The following BARD1 variants were observed in gnomAD, a reference collection of about 807,000 sequenced individuals.
The protein encoded by BARD1 is BRCA1-associated RING domain protein 1.
Under a neutral mutation model 77.0 loss-of-function variants are expected in BARD1, and 73 were observed. That is an observed-to-expected ratio of 0.95 (90% CI 0.79 to 1.15). The LOEUF (loss-of-function observed/expected upper bound fraction) is 1.15, where lower values mean the gene tolerates loss of function less well. BARD1 is among the 50% of genes most tolerant of loss of function. The pLI is 0.00. For missense variants in BARD1, 993 were observed against 938.8 expected, an observed-to-expected ratio of 1.06 and a Z score of -0.75; for synonymous variants, 384 against 338.0, an observed-to-expected ratio of 1.14 and a Z score of -1.49.
At chr2:214,754,737 T>C (rs1574761184) in intron 6 of BARD1, among the ~76,000 whole-genome samples, 2 of 152,300 alleles carry the variant, frequency 1.3e-5, no homozygotes, top group Admixed American at 1.3e-4. Flanking sequence ...GCTTGGATTA[T>C]GGATGGCTTC....
intron 9 of BARD1, among the ~76,000 whole-genome samples, chr2:214,743,286 A>T (rs1344556585): frequency 1.3e-5 from 2 of 152,258 alleles, no homozygotes; most frequent in East Asian, 3.8e-4. Flanking sequence ...CATAATTAAG[A>T]TCTTGATAAA....
At chr2:214,797,956 C>T (rs964377454) in intron 1 of BARD1, among the ~76,000 whole-genome samples, 1 of 152,022 alleles carries the variant, frequency 6.6e-6, no homozygotes, top group Non-Finnish European at 1.5e-5. Flanking sequence ...TAAATACACA[C>T]CAAGACATTA....
chr2:214,804,920 T>C (rs1001901800), intron 1 of BARD1, among the ~76,000 whole-genome samples: 2 of 152,142 alleles, frequency 1.3e-5, no homozygotes, highest in East Asian at 1.9e-4. Context: ...CCTAGCACTT[T>C]AGGAGGCCAA....
At chr2:214,740,933 T>G (rs961307487) in intron 9 of BARD1, among the ~76,000 whole-genome samples, 1 of 152,070 alleles carries the variant, frequency 6.6e-6, no homozygotes, top group Admixed American at 6.6e-5. Context: ...AAAGTCTGTA[T>G]AGAATAAAAG....
At chr2:214,767,925 GTTTT>G (rs1559410550) in intron 5 of BARD1, among the ~76,000 whole-genome samples, 1 of 151,960 alleles carries the variant, frequency 6.6e-6, no homozygotes, top group Non-Finnish European at 1.5e-5. Context: ...AGAAAATGTA[GTTTT>G]AAACCAACGG....
At chr2:214,731,863 T>C (rs1692371543) in intron 9 of BARD1, among the ~76,000 whole-genome samples, 1 of 152,246 alleles carries the variant, frequency 6.6e-6, no homozygotes, top group South Asian at 2.1e-4. Flanking sequence ...CACTGTCTAG[T>C]GTTGTTAACA....
intron 3 of BARD1, among the ~76,000 whole-genome samples, chr2:214,782,894 G>C (rs554859764): frequency 8.9e-4 from 135 of 152,240 alleles, no homozygotes; most frequent in Non-Finnish European, 1.7e-3. Context: ...CATCCAAGAG[G>C]AAATATATTG....
At chr2:214,770,572 T>G (rs1385965726) in intron 4 of BARD1, among the ~76,000 whole-genome samples, 3 of 152,212 alleles carry the variant, frequency 2.0e-5, no homozygotes, top group Admixed American at 2.0e-4. Context: ...CAATATTAAT[T>G]CGACTTTCAT....
chr2:214,745,448 T>G (rs751805492), intron 8 of BARD1, among the ~76,000 whole-genome samples: 10 of 152,232 alleles, frequency 6.6e-5, no homozygotes, highest in Non-Finnish European at 1.0e-4. Context: ...TGCACAACAA[T>G]TTATTTGTCA....
chr2:214,741,909 T>C (rs540205381), intron 9 of BARD1, among the ~76,000 whole-genome samples: 10 of 134,768 alleles, frequency 7.4e-5, no homozygotes, highest in African/African-American at 2.7e-4. Context: ...TTGGACCCAA[T>C]GGATCCAAAT....
intron 1 of BARD1, among the ~76,000 whole-genome samples, chr2:214,808,922 C>A (rs755001104): frequency 5.3e-5 from 8 of 152,236 alleles, no homozygotes; most frequent in Non-Finnish European, 1.0e-4. Context: ...CTCGAAAAAG[C>A]TGGCACGGAG....
chr2:214,784,947 G>A (rs567699331), intron 3 of BARD1, among the ~76,000 whole-genome samples: 112 of 151,462 alleles, frequency 7.4e-4, no homozygotes, highest in African/African-American at 2.5e-3. Flanking sequence ...GATGGGTGCA[G>A]CAAACCACCA....
At chr2:214,790,662 C>A (rs898511734) in intron 3 of BARD1, among the ~76,000 whole-genome samples, 1 of 152,178 alleles carries the variant, frequency 6.6e-6, no homozygotes, top group Admixed American at 6.5e-5. Flanking sequence ...CATTACTATA[C>A]AGCAACTGGT....
chr2:214,740,397 C>T (rs573019761), intron 9 of BARD1, among the ~76,000 whole-genome samples: 2 of 134,728 alleles, frequency 1.5e-5, no homozygotes, highest in South Asian at 2.6e-4. Flanking sequence ...AAAATTTCAA[C>T]GTATTAATTT....
At chr2:214,732,360 G>A (rs1224870060) in intron 9 of BARD1, among the ~76,000 whole-genome samples, 1 of 151,786 alleles carries the variant, frequency 6.6e-6, no homozygotes, top group Non-Finnish European at 1.5e-5. Flanking sequence ...AGTTGTGTAT[G>A]AGTAAAATGT....
chr2:214,781,962 A>G (rs1440702292), intron 3 of BARD1, among the ~76,000 whole-genome samples: 2 of 152,206 alleles, frequency 1.3e-5, no homozygotes, highest in Non-Finnish European at 2.9e-5. Flanking sequence ...AATTTCCAGT[A>G]GGCTTGTTTG....
In BARD1 at chr2:214,727,282, G is replaced by A. The variant is rs1343790571; in HGVS notation, c.*1394C>T. On this transcript the variant is annotated 3_prime_UTR_variant, in exon 11 of 11. Coordinates refer to ENST00000260947, the MANE Select transcript of BARD1 (RefSeq NM_000465.4). ...GATAAACAGAATCTCAAACTTTCAA[G>A]TAAGTGCATCTTAAGATGTTGATGA... The A allele has an allele frequency of 4.3e-6, 1 of 230,692 alleles. No homozygotes were observed. Among genetic ancestry groups the A allele is most frequent in the Admixed American group, 5.7e-5 (1 of 17,692 alleles). The allele number at this position is 230,692 out of a possible 1,614,324, so 14.3% of individuals were successfully genotyped here. A position where few individuals can be genotyped will look rare whatever the true frequency, so the allele number is the denominator to read the frequency against.
At chr2:214,732,222 C>T (rs1021091637) in intron 9 of BARD1, among the ~76,000 whole-genome samples, 4 of 152,210 alleles carry the variant, frequency 2.6e-5, no homozygotes, top group Non-Finnish European at 4.4e-5. Context: ...AGCAGAACCA[C>T]TACTCGGCAT....
chr2:214,778,867 C>T (rs1694850797), intron 4 of BARD1, among the ~76,000 whole-genome samples: 1 of 152,070 alleles, frequency 6.6e-6, no homozygotes, highest in South Asian at 2.1e-4. Context: ...GAAAAAGTCG[C>T]CACCAATATA....
Sources: allele counts gnomAD v4.1 joint callset (sites outside exome capture counted in the v4.1 genomes callset), GRCh38; gene constraint gnomAD v4.1.1; transcripts MANE v1.5; gene names NCBI Gene and HGNC (gene_info 2026-07-23, HGNC 2026-07-21).